The following LSAMP variants were observed in gnomAD, a reference collection of about 807,000 sequenced individuals.
LSAMP encodes limbic system associated membrane protein, also known as limbic system-associated membrane protein.
A neutral mutation model predicts 38.6 loss-of-function variants in LSAMP; 7 were observed. The ratio of observed to expected loss-of-function variants is 0.18; its 90% CI spans 0.10 to 0.34. The LOEUF (loss-of-function observed/expected upper bound fraction) is 0.34, where lower values mean the gene tolerates loss of function less well. LSAMP is among the 10% of genes least tolerant of loss of function. The probability of loss-of-function intolerance (pLI) is 1.00; values close to 1 mark genes in which losing one functional copy is unlikely to be tolerated. For synonymous variants in LSAMP, 154 were observed against 166.8 expected, an observed-to-expected ratio of 0.92 and a Z score of 0.59; for missense variants, 313 against 420.0, an observed-to-expected ratio of 0.75 and a Z score of 2.23.
intron 6 of LSAMP, among the ~76,000 whole-genome samples, chr3:115,835,017 T>C (rs1934738007): frequency 6.6e-6 from 1 of 152,162 alleles, no homozygotes; most frequent in South Asian, 2.1e-4. Context: ...GCTACAGACT[T>C]CTTTCCTCTC....
At chr3:115,972,314 T>C (rs748910699) in intron 3 of LSAMP, among the ~76,000 whole-genome samples, 4 of 151,924 alleles carry the variant, frequency 2.6e-5, no homozygotes, top group African/African-American at 7.2e-5. Context: ...AAAGAGAGCA[T>C]AGAAATAAGT....
intron 1 of LSAMP, among the ~76,000 whole-genome samples, chr3:116,302,074 GCAATCTGT>G (rs982853930): frequency 1.3e-5 from 2 of 152,160 alleles, no homozygotes; most frequent in Non-Finnish European, 2.9e-5. Flanking sequence ...AGAGACCATG[GCAATCTGT>G]CAAGAAGGAA....
At chr3:116,273,699 TATATATATAC>T (rs1313973129) in intron 1 of LSAMP, among the ~76,000 whole-genome samples, 3 of 125,818 alleles carry the variant, frequency 2.4e-5, no homozygotes, top group Middle Eastern at 3.4e-3. Context: ...TATATATATA[TATATATATAC>T]ACACACACAC....
intron 1 of LSAMP, among the ~76,000 whole-genome samples, chr3:116,356,894 C>A (rs189186336): frequency 6.6e-6 from 1 of 151,988 alleles, no homozygotes; most frequent in Non-Finnish European, 1.5e-5. Flanking sequence ...CCTGGGTTCA[C>A]GCCATTCTCC....
chr3:116,248,320 G>T (rs1254240006), intron 1 of LSAMP, among the ~76,000 whole-genome samples: 1 of 152,066 alleles, frequency 6.6e-6, no homozygotes, highest in Non-Finnish European at 1.5e-5. Context: ...GGGAATTTTA[G>T]GTAGCTATCA....
At chr3:115,966,829 G>A (rs1219671319) in intron 3 of LSAMP, among the ~76,000 whole-genome samples, 2 of 152,104 alleles carry the variant, frequency 1.3e-5, no homozygotes. Context: ...ATAAGTAAAA[G>A]CAATGCAATA....
At chr3:116,043,094 C>G (rs1292343846) in intron 2 of LSAMP, among the ~76,000 whole-genome samples, 2 of 152,120 alleles carry the variant, frequency 1.3e-5, no homozygotes, top group African/African-American at 4.8e-5. Context: ...CTATTGGAAA[C>G]GAGTAGTATT....
intron 3 of LSAMP, among the ~76,000 whole-genome samples, chr3:116,014,813 A>T (rs1940430585): frequency 6.6e-6 from 1 of 152,248 alleles, no homozygotes; most frequent in South Asian, 2.1e-4. Flanking sequence ...AATGCAACTT[A>T]AATAAATGAG....
Position 115,861,084 on chromosome 3 carries a change from C to T in LSAMP, c.515-8467G>A, listed in dbSNP as rs1322594675. 4.6e-4 allele frequency among the ~76,000 whole-genome samples: 21 copies of T among 45,654 alleles called. 1 individual carries two copies. In the East Asian group the frequency reaches 0.011, roughly 24 times the overall value. 30.0% of individuals were successfully genotyped at this position (45,654 alleles called of 152,430 possible). ...CTCCCTCCCTCTCTCCCTCTTTCCTCCCCTCCCTCTCTCCCTCTTTCCTCC... is the reference window on the plus strand; with the variant it reads ...CTCCCTCCCTCTCTCCCTCTTTCCTTCCCTCCCTCTCTCCCTCTTTCCTCC... On this transcript the variant is annotated intron_variant, in intron 3 of 6. Transcript: ENST00000490035.
chr3:116,094,413 C>T (rs971766905), intron 1 of LSAMP, among the ~76,000 whole-genome samples: 1 of 152,152 alleles, frequency 6.6e-6, no homozygotes, highest in African/African-American at 2.4e-5. Context: ...ATCTTCATTC[C>T]CTTGACCCAG....
At chr3:116,238,095 G>T (rs535810870) in intron 1 of LSAMP, among the ~76,000 whole-genome samples, 2 of 152,168 alleles carry the variant, frequency 1.3e-5, no homozygotes, top group South Asian at 4.2e-4. Context: ...TTTCCTGGGG[G>T]GCAAAATAAC....
At chr3:116,145,936 T>G (rs931842210) in intron 1 of LSAMP, among the ~76,000 whole-genome samples, 3 of 151,942 alleles carry the variant, frequency 2.0e-5, no homozygotes, top group African/African-American at 7.2e-5. Context: ...AATAAACTTC[T>G]TTTATATTAT....
chr3:115,960,785 C>T (rs1288252385), intron 3 of LSAMP, among the ~76,000 whole-genome samples: 1 of 152,156 alleles, frequency 6.6e-6, no homozygotes, highest in Non-Finnish European at 1.5e-5. Context: ...CCCTGGAATA[C>T]TCTGAAATCA....
intron 1 of LSAMP, among the ~76,000 whole-genome samples, chr3:116,340,861 G>T (rs2047982487): frequency 1.3e-5 from 2 of 151,980 alleles, no homozygotes; most frequent in Admixed American, 1.3e-4. Context: ...CTCTGAAAGT[G>T]ATACTACATA....
At chr3:116,283,988 A>G (rs1264340458) in intron 1 of LSAMP, among the ~76,000 whole-genome samples, 1 of 152,194 alleles carries the variant, frequency 6.6e-6, no homozygotes, top group African/African-American at 2.4e-5. Context: ...CCTGGGTGAT[A>G]GAGTGAGACT....
rs564079041 is a variant in LSAMP, at chr3:116,214,729, C to G, written c.156-128173G>C. The stretch of plus-strand genomic sequence containing the variant: ...TGTTGGCCAGGCTCGTCTCAAATTC[C>G]TGACCTCAAGTGATCTGCCTGCCTC... On this transcript the variant is annotated intron_variant, in intron 1 of 6. Coordinates refer to ENST00000490035, the MANE Select transcript of LSAMP (RefSeq NM_002338.5). Among the ~76,000 whole-genome samples the G allele has an allele frequency of 2.6e-5, 4 of 152,100 alleles. No individual in the cohort carries two copies. In the South Asian group the frequency reaches 8.3e-4, roughly 32 times the overall value.
At chr3:116,124,114 A>G (rs1291784126) in intron 1 of LSAMP, among the ~76,000 whole-genome samples, 1 of 152,100 alleles carries the variant, frequency 6.6e-6, no homozygotes, top group Non-Finnish European at 1.5e-5. Context: ...GGAAAGAACA[A>G]TGGAATCACT....
At chr3:116,143,361 G>T (rs1279835153) in intron 1 of LSAMP, among the ~76,000 whole-genome samples, 2 of 146,518 alleles carry the variant, frequency 1.4e-5, no homozygotes, top group East Asian at 4.0e-4. Context: ...TACTAAATGG[G>T]CACAAAAATA....
chr3:115,853,926 C>A (rs1935412173), intron 3 of LSAMP, among the ~76,000 whole-genome samples: 1 of 152,034 alleles, frequency 6.6e-6, no homozygotes, highest in Non-Finnish European at 1.5e-5. Context: ...TTGGGAATTC[C>A]TCAATGACCA....
Sources: gnomAD v4.1 joint callset for allele counts (sites outside exome capture counted in the v4.1 genomes callset) on GRCh38, gnomAD v4.1.1 for gene constraint, MANE v1.5 for transcripts, NCBI Gene and HGNC (gene_info 2026-07-23, HGNC 2026-07-21) for gene names.